CCP110: variants seen among roughly 807,000 people sequenced by gnomAD.
CCP110 encodes the protein centriolar coiled-coil protein of 110 kDa.
A neutral mutation model predicts 105.5 loss-of-function variants in CCP110; 43 were observed. The observed-to-expected ratio is 0.41, with a 90% CI of 0.32 to 0.53. The LOEUF is 0.53. CCP110 is among the 20% of genes least tolerant of loss of function. The pLI is 0.32. For synonymous variants in CCP110, 353 were observed against 392.1 expected, an observed-to-expected ratio of 0.90 and a Z score of 1.18; for missense variants, 1,016 against 1,189.1, an observed-to-expected ratio of 0.85 and a Z score of 2.14.
intron 3 of CCP110, among the ~76,000 whole-genome samples, chr16:19,535,131 C>T (rs555708407): frequency 2.0e-5 from 3 of 152,178 alleles, no homozygotes; most frequent in South Asian, 2.1e-4. Flanking sequence ...CCGCCCGCCT[C>T]GGCCTCCCAA....
At chr16:19,532,250 T>A (rs55649520) in intron 2 of CCP110, among the ~76,000 whole-genome samples, 166 bp from the exon 3 acceptor site, 4,228 of 152,320 alleles carry the variant, frequency 0.028, 78 homozygotes, top group Non-Finnish European at 0.041. Flanking sequence ...CATGGAAAGA[T>A]CTCTAATGCC....
At chr16:19,545,245 C>CT (rs774822826) in intron 10 of CCP110, 35 bp downstream of exon 10, 1 of 1,271,436 alleles carries the variant, frequency 7.9e-7, no homozygotes, top group Non-Finnish European at 1.1e-6. Flanking sequence ...TAGAGTTCTT[C>CT]TGGGTTTAGG....
rs950595923 is a variant in CCP110, at chr16:19,548,670, C to T, written c.2986+70C>T. On this transcript the variant is annotated intron_variant, in intron 14 of 14. Coordinates refer to ENST00000381396, the Ensembl canonical transcript of CCP110. This position sits in a 1 kb window ranked among gnomAD's most constrained non-coding sequence, Gnocchi z 4.1. ...TGCACAAGCTGCCCCATAACTCAGG[C>T]CATAGAAGTGGAATAGATTGTCTTT... 12 of 939,274 alleles carry T rather than the reference C, an allele frequency of 1.3e-5. No individual in the cohort carries two copies. The African/African-American group carries it at 1.8e-4, about 14-fold the overall frequency. 58.2% of individuals were successfully genotyped at this position (939,274 alleles called of 1,614,324 possible). A position where few individuals can be genotyped will look rare whatever the true frequency, so the allele number is the denominator to read the frequency against.
intron 5 of CCP110, 107 bp downstream of exon 5, chr16:19,540,894 T>A: frequency 1.2e-6 from 1 of 817,974 alleles, no homozygotes; most frequent in Non-Finnish European, 1.9e-6. Context: ...CCATATATCT[T>A]AAGGTAAGGG....
chr16:19,524,305 G>T (rs1295455752), intron 1 of CCP110, among the ~76,000 whole-genome samples: 3 of 152,166 alleles, frequency 2.0e-5, no homozygotes, highest in Non-Finnish European at 4.4e-5. Context: ...CCCGCCTGGA[G>T]GGCCCTCGGT....
intron 4 of CCP110, 114 bp from the exon 5 acceptor site, chr16:19,540,543 T>C: frequency 2.4e-6 from 2 of 838,128 alleles, no homozygotes; most frequent in Non-Finnish European, 3.8e-6. Context: ...TTGATTGTAT[T>C]ATGTCAGATC....
At position 19,551,360 on chromosome 16, in the gene CCP110, C is replaced by G. The variant is rs76339461; in HGVS notation, c.*112C>G. ...TCCGTTTACACAGACAAAGTGACATCAGAAGGCTGAGCACTTATCTGGATC... is the reference window on the plus strand; with the variant it reads ...TCCGTTTACACAGACAAAGTGACATGAGAAGGCTGAGCACTTATCTGGATC... On this transcript the variant is annotated 3_prime_UTR_variant, in exon 15 of 15. Transcript: ENST00000381396. The G allele has an allele frequency of 3.4e-6, 3 of 888,652 alleles. No homozygotes were observed. In the East Asian group the frequency reaches 7.2e-5, roughly 21 times the overall value. The allele number at this position is 888,652 out of a possible 1,614,324, so 55.0% of individuals were successfully genotyped here.
Position 19,532,402 on chromosome 16 carries a change from A to G in CCP110, c.142-14A>G, listed in dbSNP as rs2151465368. On this transcript the variant is annotated splice_polypyrimidine_tract_variant and intron_variant, in intron 2 of 14. Coordinates refer to ENST00000381396, the Ensembl canonical transcript of CCP110. ...TATCGTGGGAAATAATTACATTTTT[A>G]TGATGTTTTGCAGCTTAACATTGAG... The G allele has an allele frequency of 1.9e-6, 3 of 1,566,526 alleles. No individual in the cohort carries two copies. The highest frequency in any genetic ancestry group is 1.7e-6 in the Non-Finnish European group (2 of 1,161,514).
chr16:19,542,776 G>A lies in CCP110; in HGVS notation c.2367+16G>A. ...ATGGTCTCAAGTGGGTAAACTTAAT[G>A]ATACATGTCCATCTATCTATTTATC... On this transcript the variant is annotated intron_variant, in intron 7 of 14. Transcript: ENST00000381396. The A allele has an allele frequency of 1.2e-6, 2 of 1,604,218 alleles. No homozygotes were observed.
chr16:19,548,854 A>G lies in CCP110; in HGVS notation c.2986+254A>G, dbSNP rs1459210555. 6.6e-6 allele frequency among the ~76,000 whole-genome samples: 1 copy of G among 152,210 alleles called. No homozygotes were observed. The highest frequency in any genetic ancestry group is 6.5e-5 in the Admixed American group (1 of 15,286). ...CACCTTGTATTTTTCATTCTGAAAA[A>G]ATTGTAGAATTTGCCATGCTTAATT... On this transcript the variant is annotated intron_variant, in intron 14 of 14. Transcript: ENST00000381396. This position sits in a 1 kb window ranked among gnomAD's most constrained non-coding sequence, Gnocchi z 4.1.
intron 1 of CCP110, chr16:19,525,397 G>A (rs941743471): frequency 2.0e-5 from 3 of 152,274 alleles, no homozygotes; most frequent in African/African-American, 7.2e-5. Flanking sequence ...ATATAGAGCA[G>A]TAGATTTGTG....
chr16:19,537,711 T>C, intron 4 of CCP110, 124 bp downstream of exon 4: 1 of 587,806 alleles, frequency 1.7e-6, no homozygotes, highest in Non-Finnish European at 3.0e-6. Context: ...ATTTATCTTA[T>C]TAGAAAGCAT....
intron 6 of CCP110, among the ~76,000 whole-genome samples, chr16:19,542,367 TC>T (rs1349398577): frequency 6.6e-6 from 1 of 152,238 alleles, no homozygotes; most frequent in Non-Finnish European, 1.5e-5. Context: ...TCCTGAGTGA[TC>T]TTGAATTACC....
At chr16:19,534,241 C>T (rs757755602) in intron 3 of CCP110, among the ~76,000 whole-genome samples, 7 of 152,108 alleles carry the variant, frequency 4.6e-5, no homozygotes, top group South Asian at 2.1e-4. Flanking sequence ...TTACTTACTA[C>T]GTATTTCCTG....
intron 14 of CCP110, 114 bp from the exon 14 acceptor site, chr16:19,551,082 A>G: frequency 2.8e-6 from 2 of 707,198 alleles, no homozygotes; most frequent in Non-Finnish European, 5.1e-6. Context: ...AGGATTAAAT[A>G]TGATAATGTA....
chr16:19,531,452 T>A (rs1366407470), intron 2 of CCP110, among the ~76,000 whole-genome samples: 1 of 152,252 alleles, frequency 6.6e-6, no homozygotes, highest in Non-Finnish European at 1.5e-5. Context: ...TATAAAGAGA[T>A]ACAATGCTTA....
chr16:19,551,317 CTTTA>C (rs749417202), exon 15 of CCP110: 1 of 1,243,390 alleles, frequency 8.0e-7, no homozygotes, highest in Non-Finnish European at 1.2e-6. Context: ...CTGCCCAAGA[CTTTA>C]TTTAACCCTG....
chr16:19,547,999 T>A (rs1284809070), exon 13 of CCP110: 1 of 1,610,840 alleles, frequency 6.2e-7, no homozygotes, highest in South Asian at 1.1e-5. Flanking sequence ...GTTCATAGGC[T>A]ACTTAGTAGA....
At chr16:19,536,772 A>G in exon 4 of CCP110, 1 of 1,614,184 alleles carries the variant, frequency 6.2e-7, no homozygotes, top group Non-Finnish European at 8.5e-7. Context: ...CCTAGTCCAG[A>G]GCCAAGTATG....
Sources: gnomAD v4.1 joint callset for allele counts (sites outside exome capture counted in the v4.1 genomes callset) on GRCh38, gnomAD v4.1.1 for gene constraint, Gnocchi (gnomAD v3.1) non-coding constraint, MANE v1.5 for transcripts, NCBI Gene and HGNC (gene_info 2026-07-23, HGNC 2026-07-21) for gene names.